MKLN1: variants seen among roughly 807,000 people sequenced by gnomAD.
MKLN1 encodes muskelin 1, also known as muskelin.
A neutral mutation model predicts 99.0 loss-of-function variants in MKLN1; 18 were observed. The ratio of observed to expected loss-of-function variants is 0.18; its 90% CI spans 0.13 to 0.27. The LOEUF (loss-of-function observed/expected upper bound fraction) is 0.27. Ranked by LOEUF, MKLN1 falls within the 10% of genes least tolerant of loss-of-function variation. The pLI, the probability that MKLN1 is intolerant of heterozygous loss-of-function variation, is 1.00. For missense variants in MKLN1, 621 were observed against 875.9 expected (o/e 0.71, Z 3.67); for synonymous variants, 288 against 293.2 (o/e 0.98, Z 0.18).
chr7:131,417,351 T>G (rs1795049421), intron 8 of MKLN1, among the ~76,000 whole-genome samples: 1 of 152,228 alleles, frequency 6.6e-6, no homozygotes. Context: ...TGGAGTGCTT[T>G]CTTTTTTTCT....
chr7:131,448,181 T>A (rs67073852), intron 12 of MKLN1, among the ~76,000 whole-genome samples: 1 of 151,848 alleles, frequency 6.6e-6, no homozygotes, highest in Non-Finnish European at 1.5e-5. Context: ...TGAGCCGATA[T>A]CACGCCACTG....
intron 1 of MKLN1, among the ~76,000 whole-genome samples, chr7:131,115,652 G>A (rs904958624): frequency 2.0e-5 from 3 of 151,948 alleles, no homozygotes; most frequent in East Asian, 1.9e-4. Flanking sequence ...CGGCATCCCC[G>A]ACCACCTCTT....
chr7:131,168,563 C>T (rs920719252), intron 2 of MKLN1, among the ~76,000 whole-genome samples: 4 of 152,088 alleles, frequency 2.6e-5, no homozygotes, highest in African/African-American at 4.8e-5. Flanking sequence ...TTCTCTGTAG[C>T]GCTTACCACC....
chr7:131,171,801 G>T (rs1796220429), intron 2 of MKLN1, among the ~76,000 whole-genome samples: 1 of 152,122 alleles, frequency 6.6e-6, no homozygotes, highest in Admixed American at 6.6e-5. Context: ...TACATTGTTT[G>T]GTATAATTAA....
In MKLN1 at chr7:131,468,015, G is replaced by A. The variant is rs141093107; in HGVS notation, c.1928+1600G>A. Among the ~76,000 whole-genome samples, 857 of 152,282 alleles carry A rather than the reference G, an allele frequency of 5.6e-3. 2 individuals carry two copies. Among genetic ancestry groups the A allele is most frequent in the Non-Finnish European group, 7.7e-3 (523 of 68,024 alleles). ...ATGGGAGAAGGAGCTTGCTCAGGGT[G>A]AGCAAGAAGAGTGAAGGGTTGCTGG... On this transcript the variant is annotated intron_variant, in intron 15 of 17. Coordinates refer to ENST00000352689, the MANE Select transcript of MKLN1 (RefSeq NM_013255.5).
intron 1 of MKLN1, among the ~76,000 whole-genome samples, chr7:131,124,922 C>T (rs1260751939): frequency 6.6e-6 from 1 of 152,202 alleles, no homozygotes; most frequent in Admixed American, 6.5e-5. Context: ...GTATTAACAG[C>T]TTCCTGAACT....
At chr7:131,358,756 T>A (rs1307366558) in intron 1 of MKLN1, among the ~76,000 whole-genome samples, 1 of 152,170 alleles carries the variant, frequency 6.6e-6, no homozygotes, top group Non-Finnish European at 1.5e-5. Context: ...TTTTGGTAGT[T>A]TGTATCTTTT....
chr7:131,218,239 T>TGGAAAAGTTATAAATCTTGTTA (rs1797012784), intron 3 of MKLN1, among the ~76,000 whole-genome samples: 1 of 152,190 alleles, frequency 6.6e-6, no homozygotes, highest in African/African-American at 2.4e-5. Flanking sequence ...TAGGGGCAAT[T>TGGAAAAGTTATAAATCTTGTTA]GGAAAAGTTA....
chr7:131,346,766 A>G (rs987153536), intron 1 of MKLN1, among the ~76,000 whole-genome samples: 1 of 152,244 alleles, frequency 6.6e-6, no homozygotes, highest in Non-Finnish European at 1.5e-5. Context: ...AAAATAATCT[A>G]TTATTTTGGG....
chr7:131,426,372 G>C (rs1329561524), intron 8 of MKLN1, among the ~76,000 whole-genome samples: 3 of 152,118 alleles, frequency 2.0e-5, no homozygotes, highest in Admixed American at 6.6e-5. Context: ...CCAGGCTTCA[G>C]AATTTAACAG....
chr7:131,266,101 G>A (rs906921644), intron 3 of MKLN1, among the ~76,000 whole-genome samples: 10 of 151,084 alleles, frequency 6.6e-5, no homozygotes, highest in Non-Finnish European at 1.0e-4. Context: ...TTGAACCTGG[G>A]AGGCAGAGTT....
At chr7:131,356,672 G>C (rs1463326901) in intron 1 of MKLN1, among the ~76,000 whole-genome samples, 1 of 152,156 alleles carries the variant, frequency 6.6e-6, no homozygotes, top group Non-Finnish European at 1.5e-5. Context: ...GGGCAGTCTA[G>C]AGGTCCCCTG....
At chr7:131,175,212 G>T in intron 2 of MKLN1, among the ~76,000 whole-genome samples, 1 of 146,332 alleles carries the variant, frequency 6.8e-6, no homozygotes, top group Non-Finnish European at 1.5e-5. Context: ...AGATAGAATG[G>T]ATGGATAGAG....
chr7:131,209,557 C>T lies in MKLN1; in HGVS notation c.-179+6583C>T, dbSNP rs76805250. 8.2e-3 allele frequency among the ~76,000 whole-genome samples: 1,243 copies of T among 152,180 alleles called. 81 individuals are homozygous for T. In the East Asian group the frequency reaches 0.16, roughly 19 times the overall value. ...CTCGGGCACTGGGTGGATGGTGATG[C>T]CATTTAGTGAGACAGGTTGGCTGGG... On this transcript the variant is annotated intron_variant, in intron 3 of 7. Coordinates refer to the MKLN1 transcript ENST00000416992.
intron 2 of MKLN1, among the ~76,000 whole-genome samples, chr7:131,168,919 G>T (rs1362857244): frequency 2.7e-5 from 4 of 150,866 alleles, no homozygotes; most frequent in Admixed American, 1.3e-4. Context: ...CTAGGCTGGA[G>T]GGCAGTGGTG....
chr7:131,386,069 A>G (rs974472485), intron 2 of MKLN1, among the ~76,000 whole-genome samples: 4 of 148,560 alleles, frequency 2.7e-5, no homozygotes, highest in African/African-American at 9.9e-5. Flanking sequence ...GCTAGAGTGC[A>G]ATGGCGTGAT....
intron 2 of MKLN1, among the ~76,000 whole-genome samples, chr7:131,172,636 A>G (rs1796233579): frequency 6.6e-6 from 1 of 152,174 alleles, no homozygotes; most frequent in Non-Finnish European, 1.5e-5. Flanking sequence ...ATTGATGAGC[A>G]TACCTGAAAA....
Position 131,493,145 on chromosome 7 carries a change from G to A in MKLN1, c.*5417G>A, listed in dbSNP as rs1797469286. The A allele has an allele frequency of 6.6e-6, 1 of 152,198 alleles. No homozygotes were observed. The highest frequency in any genetic ancestry group is 1.5e-5 in the Non-Finnish European group (1 of 68,038). The allele number at this position is 152,198 out of a possible 1,614,324, so 9.4% of individuals were successfully genotyped here. On this transcript the variant is annotated 3_prime_UTR_variant, in exon 18 of 18. Transcript: ENST00000352689. ...CTGTAGGATCAATGGCAAAAAAGGG[G>A]AAATGTTTGGTAGGGAATTGGACCA...
intron 3 of MKLN1, among the ~76,000 whole-genome samples, chr7:131,270,293 G>A (rs1797865864): frequency 6.6e-6 from 1 of 151,888 alleles, no homozygotes; most frequent in Non-Finnish European, 1.5e-5. Flanking sequence ...CACAATCTTG[G>A]CTCACTGTAA....
Sources: gnomAD v4.1 joint callset for allele counts (sites outside exome capture counted in the v4.1 genomes callset) on GRCh38, gnomAD v4.1.1 for gene constraint, MANE v1.5 for transcripts, NCBI Gene and HGNC (gene_info 2026-07-23, HGNC 2026-07-21) for gene names.